LINGO2: variants seen among roughly 807,000 people sequenced by gnomAD.
LINGO2 encodes the protein leucine-rich repeat and immunoglobulin-like domain-containing nogo receptor-interacting protein 2.
Under a neutral mutation model 30.6 loss-of-function variants are expected in LINGO2, and 14 were observed. That is an observed-to-expected ratio of 0.46 (90% CI 0.30 to 0.72). LINGO2 has a LOEUF of 0.72. Among genes scored for constraint, LINGO2 ranks in the 30% least tolerant of loss-of-function variants. The probability of loss-of-function intolerance (pLI) is 0.07; values close to 1 mark genes in which losing one functional copy is unlikely to be tolerated. For synonymous variants in LINGO2, 317 were observed against 288.5 expected (o/e 1.10, Z -1.00); for missense variants, 729 against 751.7 (o/e 0.97, Z 0.35).
intron 4 of LINGO2, among the ~76,000 whole-genome samples, chr9:28,208,926 T>C (rs1820501062): frequency 1.3e-5 from 2 of 152,072 alleles, no homozygotes; most frequent in African/African-American, 4.8e-5. Flanking sequence ...ATTGATATCA[T>C]TTCTCTACTC....
chr9:28,922,273 T>C, the LINGO2 span, among the ~76,000 whole-genome samples: 2 of 152,306 alleles, frequency 1.3e-5, no homozygotes, highest in South Asian at 4.1e-4. Context: ...CATGTTGTGT[T>C]TTGTATCACT....
the LINGO2 span, among the ~76,000 whole-genome samples, chr9:29,144,730 T>C: frequency 6.6e-6 from 1 of 152,128 alleles, no homozygotes; most frequent in Non-Finnish European, 1.5e-5. Context: ...TTATCTCAAG[T>C]GCCCCTTTAT....
chr9:28,505,725 T>A (rs563727164), intron 1 of LINGO2, among the ~76,000 whole-genome samples: 5 of 152,040 alleles, frequency 3.3e-5, no homozygotes, highest in Admixed American at 3.3e-4. Flanking sequence ...AACCTGCATT[T>A]GTAAACCCTA....
chr9:28,824,040 G>C, the LINGO2 span, among the ~76,000 whole-genome samples: 1 of 152,126 alleles, frequency 6.6e-6, no homozygotes, highest in Non-Finnish European at 1.5e-5. Flanking sequence ...ACAGAGTAAA[G>C]CAATTCCTGA....
intron 4 of LINGO2, among the ~76,000 whole-genome samples, chr9:28,139,229 T>C (rs1049290237): frequency 6.6e-6 from 1 of 150,504 alleles, no homozygotes; most frequent in Admixed American, 6.6e-5. Context: ...ACCAGAGACA[T>C]AACCCTGGCC....
the LINGO2 span, among the ~76,000 whole-genome samples, chr9:28,818,190 G>T: frequency 6.6e-6 from 1 of 152,158 alleles, no homozygotes; most frequent in Non-Finnish European, 1.5e-5. Context: ...CAGTTCATTA[G>T]TTGGGTCTGA....
intron 2 of LINGO2, among the ~76,000 whole-genome samples, chr9:28,440,990 T>C (rs1824168085): frequency 6.6e-6 from 1 of 152,108 alleles, no homozygotes; most frequent in African/African-American, 2.4e-5. Flanking sequence ...TAATCCCAAA[T>C]GTAACAGTTT....
chr9:28,786,794 G>A, the LINGO2 span, among the ~76,000 whole-genome samples: 1 of 152,134 alleles, frequency 6.6e-6, no homozygotes, highest in African/African-American at 2.4e-5. Flanking sequence ...ACAGAGGGAA[G>A]TATGGGCATA....
the LINGO2 span, among the ~76,000 whole-genome samples, chr9:29,143,072 G>T: frequency 6.6e-6 from 1 of 151,884 alleles, no homozygotes; most frequent in Non-Finnish European, 1.5e-5. Flanking sequence ...AAATATTTAG[G>T]AATAAACTTA....
intron 1 of LINGO2, among the ~76,000 whole-genome samples, chr9:28,525,871 C>T (rs1407193822): frequency 3.3e-5 from 5 of 151,718 alleles, no homozygotes; most frequent in Non-Finnish European, 1.5e-5. Context: ...CTGGCTAACG[C>T]GGTGAAACCC....
the LINGO2 span, among the ~76,000 whole-genome samples, chr9:29,114,371 T>C: frequency 3.9e-5 from 3 of 76,460 alleles, no homozygotes; most frequent in Admixed American, 4.4e-4. Context: ...TAACAGAGCA[T>C]TTTTTTCTTT....
At chr9:28,635,769 G>A (rs1827232401) in intron 1 of LINGO2, among the ~76,000 whole-genome samples, 1 of 152,070 alleles carries the variant, frequency 6.6e-6, no homozygotes, top group Admixed American at 6.6e-5. Flanking sequence ...GTTTTAATAT[G>A]ATCCAATTCA....
the LINGO2 span, among the ~76,000 whole-genome samples, chr9:28,765,612 G>A: frequency 1.3e-5 from 2 of 152,002 alleles, no homozygotes; most frequent in African/African-American, 4.8e-5. Flanking sequence ...AAAGCTAGGA[G>A]GTCCCTTAGG....
chr9:29,073,627 A>G, the LINGO2 span, among the ~76,000 whole-genome samples: 1 of 152,218 alleles, frequency 6.6e-6, no homozygotes, highest in African/African-American at 2.4e-5. Context: ...CTTTTAAACT[A>G]TAACAATAGA....
chr9:28,744,109 T>TA, the LINGO2 span, among the ~76,000 whole-genome samples: 92 of 84,168 alleles, frequency 1.1e-3, 1 homozygote, highest in East Asian at 0.025. Flanking sequence ...TATATATATA[T>TA]TTTTTTTCTT....
chr9:28,358,315 C>T (rs1820310628), intron 3 of LINGO2, among the ~76,000 whole-genome samples: 1 of 152,082 alleles, frequency 6.6e-6, no homozygotes, highest in Non-Finnish European at 1.5e-5. Context: ...TAAGTAAATT[C>T]TAATCAAGGA....
At chr9:28,308,012 A>C (rs76564606) in intron 3 of LINGO2, among the ~76,000 whole-genome samples, 52,115 of 150,190 alleles carry the variant, frequency 0.35, 9,811 homozygotes, top group Non-Finnish European at 0.43. Flanking sequence ...TGCCCAAGGT[A>C]ATTTATAGAT....
chr9:28,956,831 A>G, the LINGO2 span, among the ~76,000 whole-genome samples: 1 of 146,836 alleles, frequency 6.8e-6, no homozygotes, highest in East Asian at 2.0e-4. Context: ...TCTACTTAAC[A>G]TAATAAAGAT....
chr9:28,537,589 G>T (rs892398152), intron 1 of LINGO2, among the ~76,000 whole-genome samples: 1 of 151,708 alleles, frequency 6.6e-6, no homozygotes, highest in African/African-American at 2.4e-5. Context: ...TTAAAAGGAA[G>T]GCCAATTAGA....
Sources: gnomAD v4.1 joint callset for allele counts (sites outside exome capture counted in the v4.1 genomes callset) on GRCh38, gnomAD v4.1.1 for gene constraint, MANE v1.5 for transcripts, NCBI Gene and HGNC (gene_info 2026-07-23, HGNC 2026-07-21) for gene names.